Variants in RPS23 observed in about 807,000 individuals in gnomAD.
RPS23 encodes ribosomal protein S23.
For synonymous variants in RPS23, 66 were observed against 60.4 expected (o/e 1.09, Z -0.43); for missense variants, 73 against 174.5 (o/e 0.42, Z 3.28).
rs751302426 is a variant in RPS23 at position 82,276,393 on chromosome 5, C to T, written c.285+5G>A. ...CAGAAGGTACGATAGAGTTGAAATA[C>T]TCACCTCAATAAAGTTCAAGCAACC... On this transcript the variant is annotated splice_donor_5th_base_variant and intron_variant, in intron 3 of 3. Transcript: ENST00000296674. 6.2e-7 allele frequency: 1 copy of T among 1,613,654 alleles called. No individual in the cohort carries two copies. The highest frequency in any genetic ancestry group is 8.5e-7 in the Non-Finnish European group (1 of 1,179,612).
Position 82,275,310 on chromosome 5 carries a change from T to C in RPS23, c.*799A>G, listed in dbSNP as rs1747749453. Reference sequence around the variant, plus strand: ...CCATGAAAACTCTGAAACAAGTATTTGTGGACAGCAAAATCCACATGTACT... The same window carrying C: ...CCATGAAAACTCTGAAACAAGTATTCGTGGACAGCAAAATCCACATGTACT... On this transcript the variant is annotated 3_prime_UTR_variant, in exon 4 of 4. Coordinates refer to ENST00000296674, the MANE Select transcript of RPS23 (RefSeq NM_001025.5). The C allele has an allele frequency of 1.4e-6, 1 of 702,610 alleles. No individual in the cohort carries two copies. Among genetic ancestry groups the C allele is most frequent in the South Asian group, 1.5e-5 (1 of 67,608 alleles). 43.5% of individuals were successfully genotyped at this position (702,610 alleles called of 1,614,324 possible). A position where few individuals can be genotyped will look rare whatever the true frequency, so the allele number is the denominator to read the frequency against.
At chr5:82,277,405 C>T (rs528519518) in intron 2 of RPS23, 22 of 424,262 alleles carry the variant, frequency 5.2e-5, no homozygotes, top group African/African-American at 4.4e-4. Context: ...GTGCCATTTA[C>T]TTATAACAAC....
Position 82,274,933 on chromosome 5 carries a change from G to A in RPS23, c.*1176C>T. 2.5e-6 allele frequency: 1 copy of A among 401,576 alleles called. No homozygotes were observed. Among genetic ancestry groups the A allele is most frequent in the South Asian group, 3.6e-5 (1 of 27,668 alleles). The allele number at this position is 401,576 out of a possible 1,614,324, so 24.9% of individuals were successfully genotyped here. On this transcript the variant is annotated 3_prime_UTR_variant, in exon 4 of 4. Transcript: ENST00000296674. ...AGCAGGCGACATGCAAGGAACCATA[G>A]TAACAGGAACAGAGGTCCTGAGGCT...
chr5:82,277,707 G>T lies in RPS23; in HGVS notation c.150C>A (p.Ile50=), dbSNP rs745913252. 1 of 1,613,872 alleles carries T rather than the reference G, an allele frequency of 6.2e-7. No homozygotes were observed. The highest frequency in any genetic ancestry group is 1.1e-5 in the South Asian group (1 of 91,072). ...AATGGACTTACACTTTTTCCAGCAC[G>T]ATTCCTTTTGCATGAGAAGCACCTC... ...PFGGASHAKG[I]VLEKVGVEAK... Residue 50 remains isoleucine, a synonymous_variant, in exon 2 of 4, where the codon ATC becomes ATA. Transcript: ENST00000296674.
chr5:82,274,359 G>C lies in RPS23; in HGVS notation c.*1750C>G, dbSNP rs923885527. On this transcript the variant is annotated 3_prime_UTR_variant, in exon 4 of 4. Transcript: ENST00000296674. ...CAGCAGCTTCTGGATCTGAGGCGCCGGAGATTATTTATGGGTCAATCTGGC... is the reference window on the plus strand; with the variant it reads ...CAGCAGCTTCTGGATCTGAGGCGCCCGAGATTATTTATGGGTCAATCTGGC... 1.3e-5 allele frequency: 2 copies of C among 152,484 alleles called. No individual in the cohort carries two copies. The highest frequency in any genetic ancestry group is 2.4e-5 in the African/African-American group (1 of 41,436). 9.4% of individuals were successfully genotyped at this position (152,484 alleles called of 1,614,324 possible).
chr5:82,277,539 T>G lies in RPS23; in HGVS notation c.164+154A>C, dbSNP rs1747908260. ...TTCCCAAAAACTAATTTTACCAACT[T>G]TTAAATAGAACAAACGCTTTGCAAT... On this transcript the variant is annotated intron_variant, in intron 2 of 3. Coordinates refer to ENST00000296674, the MANE Select transcript of RPS23 (RefSeq NM_001025.5). 6.3e-6 allele frequency: 5 copies of G among 798,332 alleles called. No individual in the cohort carries two copies. The South Asian group carries it at 7.4e-5, about 12-fold the overall frequency. The allele number at this position is 798,332 out of a possible 1,614,324, so 49.5% of individuals were successfully genotyped here.
intron 1 of RPS23, chr5:82,278,058 C>T (rs1441140755): frequency 3.0e-6 from 2 of 658,992 alleles, no homozygotes; most frequent in Non-Finnish European, 5.3e-6. Flanking sequence ...ATGTGTTCTC[C>T]CGAAGGACGA....
rs1382914072 is a variant in RPS23, at chr5:82,276,271, A to G, written c.286-16T>C. 1 of 1,613,384 alleles carries G rather than the reference A, an allele frequency of 6.2e-7. No homozygotes were observed. Among genetic ancestry groups the G allele is most frequent in the Non-Finnish European group, 8.5e-7 (1 of 1,179,648 alleles). On this transcript the variant is annotated splice_polypyrimidine_tract_variant and intron_variant, in intron 3 of 3. Transcript: ENST00000296674. ...CATCATTTTCCTGGAATAAAATAAGAAGTTTATTTCTGGTGTTGGTGGCGA... is the reference window on the plus strand; with the variant it reads ...CATCATTTTCCTGGAATAAAATAAGGAGTTTATTTCTGGTGTTGGTGGCGA...
Position 82,275,925 on chromosome 5 carries a change from A to C in RPS23, c.*184T>G. On this transcript the variant is annotated 3_prime_UTR_variant, in exon 4 of 4. Transcript: ENST00000296674. ...TATTAACTCTAGAGAATCCTGAAAC[A>C]ACCCTGTCTTATTGTCTCCTAAAAT... 1.7e-6 allele frequency: 1 copy of C among 589,492 alleles called. No individual in the cohort carries two copies. The highest frequency in any genetic ancestry group is 3.0e-6 in the Non-Finnish European group (1 of 330,910). 36.5% of individuals were successfully genotyped at this position (589,492 alleles called of 1,614,324 possible).
rs746451994 is a variant in RPS23 at position 82,276,078 on chromosome 5, T to A, written c.*31A>T. 1 of 1,586,838 alleles carries A rather than the reference T, an allele frequency of 6.3e-7. No individual in the cohort carries two copies. Among genetic ancestry groups the A allele is most frequent in the African/African-American group, 1.4e-5 (1 of 73,284 alleles). ...ACAAACATTTTTTGGCATATGAAAA[T>A]TTATTACTACAGTGTTTTCACCATT... is the stretch of plus-strand genomic sequence containing the variant. On this transcript the variant is annotated 3_prime_UTR_variant, in exon 4 of 4. Coordinates refer to ENST00000296674, the MANE Select transcript of RPS23 (RefSeq NM_001025.5).
intron 2 of RPS23, chr5:82,276,845 C>CAGAAAAA (rs1554062947): frequency 1.5e-5 from 2 of 133,648 alleles, no homozygotes; most frequent in African/African-American, 6.0e-5. Context: ...GACCCTATCT[C>CAGAAAAA]AAAAAAAAAA....
At position 82,274,573 on chromosome 5, in the gene RPS23, G is replaced by A. The variant is rs544859984; in HGVS notation, c.*1536C>T. The A allele has an allele frequency of 6.5e-6, 1 of 152,878 alleles. No individual in the cohort carries two copies. The highest frequency in any genetic ancestry group is 2.1e-4 in the South Asian group (1 of 4,840). The allele number at this position is 152,878 out of a possible 1,614,324, so 9.5% of individuals were successfully genotyped here. A position where few individuals can be genotyped will look rare whatever the true frequency, so the allele number is the denominator to read the frequency against. On this transcript the variant is annotated 3_prime_UTR_variant, in exon 4 of 4. Coordinates refer to ENST00000296674, the MANE Select transcript of RPS23 (RefSeq NM_001025.5). ...GGTGCGCCCCGCCTCGCGGTCACAA[G>A]GGCCCCACCGCCCGGGGAGAGCTGC...
chr5:82,277,178 CAAAAAAAAAA>C (rs71000896), intron 2 of RPS23, among the ~76,000 whole-genome samples: 3 of 82,440 alleles, frequency 3.6e-5, no homozygotes, highest in Admixed American at 1.5e-4. Context: ...TAGACTGTCT[CAAAAAAAAAA>C]AAAAAAAAAA....
In RPS23 at chr5:82,273,395, C is replaced by G. The variant is rs944917809; in HGVS notation, c.*2714G>C. On this transcript the variant is annotated 3_prime_UTR_variant, in exon 4 of 4. Coordinates refer to ENST00000296674, the MANE Select transcript of RPS23 (RefSeq NM_001025.5). The stretch of plus-strand genomic sequence containing the variant: ...TTAAAATCTGAGCTCCTCAAGTGCA[C>G]AATTTCTGTCCCTTTTAAGGGCTCA... 15 of 149,438 alleles carry G rather than the reference C, an allele frequency of 1.0e-4. 2 individuals carry two copies. The highest frequency in any genetic ancestry group is 3.9e-4 in the African/African-American group (15 of 38,812). 9.3% of individuals were successfully genotyped at this position (149,438 alleles called of 1,614,324 possible).
In RPS23 at chr5:82,275,623, A is replaced by G. The variant is rs1747756525; in HGVS notation, c.*486T>C. 5.8e-6 allele frequency: 2 copies of G among 344,920 alleles called. No homozygotes were observed. The highest frequency in any genetic ancestry group is 2.1e-5 in the African/African-American group (1 of 47,678). 21.4% of individuals were successfully genotyped at this position (344,920 alleles called of 1,614,324 possible). A position where few individuals can be genotyped will look rare whatever the true frequency, so the allele number is the denominator to read the frequency against. On this transcript the variant is annotated 3_prime_UTR_variant, in exon 4 of 4. Coordinates refer to ENST00000296674, the MANE Select transcript of RPS23 (RefSeq NM_001025.5). ...AGTGGGGAGCAATTTTGAGTTTACT[A>G]TTTATCATCTTGGGCCCCTGTAAGA...
rs755477019 is a variant in RPS23 at position 82,276,698 on chromosome 5, G to C, written c.165-180C>G. On this transcript the variant is annotated intron_variant, in intron 2 of 3. Transcript: ENST00000296674. ...CAGTCTTAATTTCATTAGCACAATG[G>C]GGGAAATTTCTAGACCTTTTACAGT... 15 of 718,842 alleles carry C rather than the reference G, an allele frequency of 2.1e-5. No homozygotes were observed. The African/African-American group carries it at 2.5e-4, about 12-fold the overall frequency. The allele number at this position is 718,842 out of a possible 1,614,324, so 44.5% of individuals were successfully genotyped here. A position where few individuals can be genotyped will look rare whatever the true frequency, so the allele number is the denominator to read the frequency against.
At chr5:82,276,943 G>C in intron 2 of RPS23, 1 of 169,084 alleles carries the variant, frequency 5.9e-6, no homozygotes, top group South Asian at 1.5e-4. Context: ...CAGCACTTTC[G>C]GAGGCCGAAG....
chr5:82,274,067 C>T lies in RPS23; in HGVS notation c.*2042G>A, dbSNP rs1184472750. 1.3e-5 allele frequency: 2 copies of T among 152,160 alleles called. No individual in the cohort carries two copies. The highest frequency in any genetic ancestry group is 2.9e-5 in the Non-Finnish European group (2 of 68,034). 9.4% of individuals were successfully genotyped at this position (152,160 alleles called of 1,614,324 possible). A position where few individuals can be genotyped will look rare whatever the true frequency, so the allele number is the denominator to read the frequency against. On this transcript the variant is annotated 3_prime_UTR_variant, in exon 4 of 4. Coordinates refer to ENST00000296674, the MANE Select transcript of RPS23 (RefSeq NM_001025.5). ...TCCATTTTGAGTTAAGTTTGTATTA[C>T]ATGTAAGGTTGGGGTTCCTTTGTTT...
chr5:82,276,872 A>C, intron 2 of RPS23: 1 of 220,698 alleles, frequency 4.5e-6, no homozygotes, highest in Non-Finnish European at 9.0e-6. Flanking sequence ...AAAAGAAAAA[A>C]GGTATCTGAG....
Sources: gnomAD v4.1 joint callset for allele counts (sites outside exome capture counted in the v4.1 genomes callset) on GRCh38, gnomAD v4.1.1 for gene constraint, MANE v1.5 for transcripts, NCBI Gene and HGNC (gene_info 2026-07-23, HGNC 2026-07-21) for gene names.